The following CLRN1 variants were observed in gnomAD, a reference collection of about 807,000 sequenced individuals.
CLRN1 encodes clarin-1.
Under a neutral mutation model 18.7 loss-of-function variants are expected in CLRN1, and 15 were observed. The observed-to-expected ratio is 0.80, with a 90% confidence interval of 0.54 to 1.23. The LOEUF (loss-of-function observed/expected upper bound fraction) is 1.23. Among genes scored for constraint, CLRN1 ranks in the 50% most tolerant of loss-of-function variants. CLRN1 has a pLI of 0.00. For missense variants in CLRN1, 311 were observed against 277.5 expected, an observed-to-expected ratio of 1.12 and a Z score of -0.86; for synonymous variants, 104 against 102.9, an observed-to-expected ratio of 1.01 and a Z score of -0.07.
At chr3:150,943,163 AG>A (rs2088613759) in intron 1 of CLRN1, among the ~76,000 whole-genome samples, 1 of 152,186 alleles carries the variant, frequency 6.6e-6, no homozygotes, top group Non-Finnish European at 1.5e-5. Context: ...TATCAATGAC[AG>A]AAGTGTAGAA....
chr3:150,955,495 G>A (rs1714694249), intron 1 of CLRN1, among the ~76,000 whole-genome samples: 1 of 152,100 alleles, frequency 6.6e-6, no homozygotes, highest in African/African-American at 2.4e-5. Flanking sequence ...AGCAAGAGGG[G>A]GTGATAGGAC....
chr3:150,969,965 C>G (rs910245957), intron 1 of CLRN1, among the ~76,000 whole-genome samples: 1 of 152,134 alleles, frequency 6.6e-6, no homozygotes, highest in African/African-American at 2.4e-5. Context: ...TGATAAGTTA[C>G]CTTTTCCATT....
At chr3:150,964,793 C>T (rs576584757) in intron 1 of CLRN1, among the ~76,000 whole-genome samples, 94 of 152,172 alleles carry the variant, frequency 6.2e-4, no homozygotes, top group African/African-American at 1.1e-3. Context: ...AGCAAACTGA[C>T]GCAGGAACAG....
At chr3:150,957,908 A>T (rs1245977244) in intron 1 of CLRN1, among the ~76,000 whole-genome samples, 2 of 151,822 alleles carry the variant, frequency 1.3e-5, no homozygotes, top group Non-Finnish European at 2.9e-5. Context: ...TGATCTACCC[A>T]CTGCAGCCTC....
At chr3:150,936,866 C>T (rs1038337115) in intron 2 of CLRN1, among the ~76,000 whole-genome samples, 2 of 152,090 alleles carry the variant, frequency 1.3e-5, no homozygotes, top group Non-Finnish European at 2.9e-5. Context: ...ACCTCTTTCC[C>T]TAGAGTCTTC....
At chr3:150,971,475 T>C (rs1475073260) in intron 1 of CLRN1, among the ~76,000 whole-genome samples, 1 of 152,006 alleles carries the variant, frequency 6.6e-6, no homozygotes, top group Non-Finnish European at 1.5e-5. Flanking sequence ...CATATGTTAA[T>C]AATAAATTCA....
At chr3:150,946,987 G>A (rs148139202) in intron 1 of CLRN1, among the ~76,000 whole-genome samples, 126 of 146,368 alleles carry the variant, frequency 8.6e-4, no homozygotes, top group African/African-American at 3.1e-3. Flanking sequence ...CTAAGAAGAC[G>A]ATTTTGAGAT....
Position 150,972,438 on chromosome 3 carries a change from A to C in CLRN1, c.253+18T>G, listed in dbSNP as rs1715582552. 1.9e-5 allele frequency: 30 copies of C among 1,614,144 alleles called. No individual in the cohort carries two copies. The highest frequency in any genetic ancestry group is 2.5e-5 in the Non-Finnish European group (30 of 1,180,018). The stretch of plus-strand genomic sequence containing the variant: ...TCTGCCTAAAGCATTAAATAACTCA[A>C]ATGCAATTGCTACTTACATGAGAAC... On this transcript the variant is annotated intron_variant, in intron 1 of 2. Coordinates refer to ENST00000327047, the MANE Select transcript of CLRN1 (RefSeq NM_174878.3).
At chr3:150,957,473 G>T (rs1396493582) in intron 1 of CLRN1, among the ~76,000 whole-genome samples, 1 of 152,130 alleles carries the variant, frequency 6.6e-6, no homozygotes, top group African/African-American at 2.4e-5. Flanking sequence ...AATATTCAAA[G>T]AACCATTTCC....
At position 150,927,021 on chromosome 3, in the gene CLRN1, G is replaced by A. The variant is rs780471037; in HGVS notation, c.*915C>T. 2.1e-5 allele frequency: 30 copies of A among 1,410,392 alleles called. No individual in the cohort carries two copies. Among genetic ancestry groups the A allele is most frequent in the Non-Finnish European group, 2.7e-5 (28 of 1,024,102 alleles). The allele number at this position is 1,410,392 out of a possible 1,614,324, so 87.4% of individuals were successfully genotyped here. On this transcript the variant is annotated 3_prime_UTR_variant, in exon 3 of 3. Transcript: ENST00000327047. ...TTTTCATAATTGCATATTAGTACTC[G>A]AGACACTATAGCTAGAAAAACAGCC... is the stretch of plus-strand genomic sequence containing the variant.
At position 150,926,673 on chromosome 3, in the gene CLRN1, C is replaced by T; in HGVS notation, c.*1263G>A. 9.7e-7 allele frequency: 1 copy of T among 1,026,952 alleles called. No individual in the cohort carries two copies. The highest frequency in any genetic ancestry group is 1.5e-6 in the Non-Finnish European group (1 of 668,780). The allele number at this position is 1,026,952 out of a possible 1,614,324, so 63.6% of individuals were successfully genotyped here. A position where few individuals can be genotyped will look rare whatever the true frequency, so the allele number is the denominator to read the frequency against. ...GGTTGTTTCATCCTTGTAAATAGTTCCAAAGGGAAACAGTGTTTTATTTTA... is the reference window on the plus strand; with the variant it reads ...GGTTGTTTCATCCTTGTAAATAGTTTCAAAGGGAAACAGTGTTTTATTTTA... On this transcript the variant is annotated 3_prime_UTR_variant, in exon 3 of 3. Transcript: ENST00000327047.
chr3:150,939,043 G>C (rs184948455), intron 2 of CLRN1, among the ~76,000 whole-genome samples: 4 of 152,366 alleles, frequency 2.6e-5, no homozygotes, highest in African/African-American at 9.6e-5. Context: ...TGGAGCGCTA[G>C]ACGGCTGTTG....
intron 1 of CLRN1, among the ~76,000 whole-genome samples, chr3:150,956,652 C>G (rs542117360): frequency 6.6e-6 from 1 of 152,258 alleles, no homozygotes; most frequent in East Asian, 1.9e-4. Context: ...GATAGGGATG[C>G]TCTCATAGGA....
At chr3:150,941,078 G>A (rs1713791626) in intron 2 of CLRN1, among the ~76,000 whole-genome samples, 1 of 151,672 alleles carries the variant, frequency 6.6e-6, no homozygotes, top group South Asian at 2.1e-4. Flanking sequence ...GTCCCCCATA[G>A]TGTCATGGGT....
intron 1 of CLRN1, among the ~76,000 whole-genome samples, chr3:150,949,446 T>C (rs749000009): frequency 8.5e-5 from 13 of 152,124 alleles, no homozygotes; most frequent in Non-Finnish European, 1.6e-4. Flanking sequence ...CATGATTCTA[T>C]ATCTAAAAAA....
rs34027634 is a variant in CLRN1, at chr3:150,927,631, TAC to T, written c.*303_*304del. 0.47 allele frequency: 218,874 copies of T among 462,398 alleles called. 34,704 individuals carry two copies. Among genetic ancestry groups the T allele is most frequent in the Non-Finnish European group, 0.5 (118,826 of 238,930 alleles). The allele number at this position is 462,398 out of a possible 1,614,324, so 28.6% of individuals were successfully genotyped here. Reference sequence around the variant, plus strand: ...ATATCTTTTTGATAGGAAGACATCTTACACACACACACACACACACACACACA... The same window carrying T: ...ATATCTTTTTGATAGGAAGACATCTTACACACACACACACACACACACACA... On this transcript the variant is annotated 3_prime_UTR_variant, in exon 3 of 3. Transcript: ENST00000327047.
chr3:150,951,846 AACTC>A (rs1714498180), intron 1 of CLRN1, among the ~76,000 whole-genome samples: 1 of 152,124 alleles, frequency 6.6e-6, no homozygotes, highest in Admixed American at 6.5e-5. Flanking sequence ...ATCGCATGAG[AACTC>A]ACTCACTATA....
intron 1 of CLRN1, among the ~76,000 whole-genome samples, chr3:150,970,508 T>C (rs1385476241): frequency 8.1e-6 from 1 of 123,364 alleles, no homozygotes; most frequent in African/African-American, 2.8e-5. Flanking sequence ...AAGATACTTT[T>C]ATGCTTAGGA....
intron 2 of CLRN1, among the ~76,000 whole-genome samples, chr3:150,935,707 G>A (rs1380243868): frequency 4.6e-5 from 7 of 151,638 alleles, no homozygotes; most frequent in African/African-American, 1.7e-4. Flanking sequence ...CTAGATCCCT[G>A]AGGAATCGCC....
Sources: allele counts gnomAD v4.1 joint callset (sites outside exome capture counted in the v4.1 genomes callset), GRCh38; gene constraint gnomAD v4.1.1; transcripts MANE v1.5; gene names NCBI Gene and HGNC (gene_info 2026-07-23, HGNC 2026-07-21).